The following SLC49A3 variants were observed in gnomAD, a reference collection of about 807,000 sequenced individuals.
The protein encoded by SLC49A3 is solute carrier family 49 member 3.
A neutral mutation model predicts 43.8 loss-of-function variants in SLC49A3; 50 were observed. That is an observed-to-expected ratio of 1.14 (90% CI 0.91 to 1.45). SLC49A3 has a LOEUF of 1.45. SLC49A3 is among the 40% of genes most tolerant of loss of function. The probability of loss-of-function intolerance (pLI) is 0.00; values close to 1 mark genes in which losing one functional copy is unlikely to be tolerated. For synonymous variants in SLC49A3, 413 were observed against 352.0 expected (o/e 1.17, Z -1.94); for missense variants, 906 against 774.1 (o/e 1.17, Z -2.02).
At chr4:680,316 C>T (rs1184237442), downstream of SLC49A3, among the ~76,000 whole-genome samples, 1 of 152,174 alleles carries the variant, frequency 6.6e-6, no homozygotes, top group East Asian at 1.9e-4. Flanking sequence ...CACTACACCC[C>T]AGGGCAGGAG....
At chr4:681,187 C>T (rs913272032), downstream of SLC49A3, 3 of 1,575,064 alleles carry the variant, frequency 1.9e-6, no homozygotes, top group South Asian at 3.5e-5. Context: ...GAGGGCGGGG[C>T]TCCCGGGGTC....
chr4:690,704 G>C (rs1159072124), upstream of SLC49A3, among the ~76,000 whole-genome samples: 1 of 152,098 alleles, frequency 6.6e-6, no homozygotes, highest in Non-Finnish European at 1.5e-5. Context: ...TTGTCGAGGG[G>C]TGTCACCATG....
chr4:685,197 G>A lies in SLC49A3; in HGVS notation c.586-341C>T. 2.5e-6 allele frequency: 1 copy of A among 407,944 alleles called. No individual in the cohort carries two copies. Among genetic ancestry groups the A allele is most frequent in the African/African-American group, 2.1e-5 (1 of 48,702 alleles). The allele number at this position is 407,944 out of a possible 1,614,324, so 25.3% of individuals were successfully genotyped here. On this transcript the variant is annotated intron_variant, in intron 4 of 9. Coordinates refer to ENST00000322224, the MANE Select transcript of SLC49A3 (RefSeq NM_032219.4). This position sits in a 1 kb window ranked among gnomAD's most constrained non-coding sequence, Gnocchi z 4.3. ...CACAGGTGGGTGCAGAGGCACACGTGCATACAGACTCACGCTCAGTACATA... is the reference window on the plus strand; with the variant it reads ...CACAGGTGGGTGCAGAGGCACACGTACATACAGACTCACGCTCAGTACATA...
rs770820885 is a variant in SLC49A3 at position 688,969 on chromosome 4, ACCTGTCCCCGCC to A, written c.135+12_135+23del. 7 of 1,582,630 alleles carry A rather than the reference ACCTGTCCCCGCC, an allele frequency of 4.4e-6. No homozygotes were observed. The Admixed American group carries it at 6.9e-5, about 16-fold the overall frequency. ...CCGAGGGACTGAGGGTCCCGGAGCC[ACCTGTCCCCGCC>A]CCTGCCCCTACCGTGGCGTTGGAGC... is the stretch of plus-strand genomic sequence containing the variant. On this transcript the variant is annotated intron_variant, in intron 1 of 9. Coordinates refer to ENST00000322224, the MANE Select transcript of SLC49A3 (RefSeq NM_032219.4).
chr4:682,242 C>G lies in SLC49A3; in HGVS notation c.1396G>C (p.Asp466His). The part of the protein sequence containing the change: ...PSTRNAVGGA[D>H]SGPGVDRGGA... ...CCTCGGTCCACACCCGGCCCTGAGT[C>G]TGCGCCGCCCACGGCGTTACGGGTG... Residue 466 changes from aspartate (D) to histidine (H), a missense_variant, in exon 10 of 10, where the codon GAC (aspartate) becomes CAC (histidine). By Grantham distance (81) the Asp-to-His change is moderately conservative. Coordinates refer to ENST00000322224, the MANE Select transcript of SLC49A3 (RefSeq NM_032219.4). 2.9e-6 allele frequency: 4 copies of G among 1,379,054 alleles called. No homozygotes were observed. The highest frequency in any genetic ancestry group is 3.8e-6 in the Non-Finnish European group (4 of 1,055,432). The allele number at this position is 1,379,054 out of a possible 1,614,324, so 85.4% of individuals were successfully genotyped here. A position where few individuals can be genotyped will look rare whatever the true frequency, so the allele number is the denominator to read the frequency against.
downstream of SLC49A3, chr4:680,872 T>C (rs1001333124): frequency 6.2e-6 from 4 of 647,268 alleles, no homozygotes; most frequent in Non-Finnish European, 1.1e-5. Flanking sequence ...GGCGCTGGCC[T>C]GTAACCTCCT....
upstream of SLC49A3, among the ~76,000 whole-genome samples, chr4:690,017 C>T (rs1741744691): frequency 6.6e-6 from 1 of 152,220 alleles, no homozygotes; most frequent in South Asian, 2.1e-4. Context: ...CAGGGAGGCT[C>T]TCTTGACCCT....
chr4:679,107 C>T (rs780523126), downstream of SLC49A3: 81 of 1,256,440 alleles, frequency 6.4e-5, no homozygotes, highest in East Asian at 3.2e-5. Context: ...CCAGACGCCG[C>T]GGCCCCTCCT....
rs1740963941 is a variant in SLC49A3 at position 686,105 on chromosome 4, G to A, written c.492C>T (p.Asn164=). 1.2e-6 allele frequency: 2 copies of A among 1,613,096 alleles called. No individual in the cohort carries two copies. Among genetic ancestry groups the A allele is most frequent in the African/African-American group, 1.3e-5 (1 of 74,924 alleles). The part of the protein sequence containing the change: ...WFPEHQRATA[N]MLATMSNPLG... Reference sequence around the variant, plus strand: ...GGAACTCACACATGGTGGCGAGCATGTTGGCCGTGGCTCGCTGGTGCTCTG... The same window carrying A: ...GGAACTCACACATGGTGGCGAGCATATTGGCCGTGGCTCGCTGGTGCTCTG... The change falls in exon 3 of 10, where the codon AAC becomes AAT. Residue 164 remains asparagine (N), a synonymous_variant. Coordinates refer to ENST00000322224, the MANE Select transcript of SLC49A3 (RefSeq NM_032219.4).
chr4:682,001 G>A lies in SLC49A3; in HGVS notation c.1637C>T (p.Ala546Val), dbSNP rs756447805. The A allele has an allele frequency of 6.3e-6, 9 of 1,421,266 alleles. No homozygotes were observed. Among genetic ancestry groups the A allele is most frequent in the African/African-American group, 4.4e-5 (3 of 67,464 alleles). The allele number at this position is 1,421,266 out of a possible 1,614,324, so 88.0% of individuals were successfully genotyped here. A position where few individuals can be genotyped will look rare whatever the true frequency, so the allele number is the denominator to read the frequency against. The stretch of plus-strand genomic sequence containing the variant: ...GGAGGAGAAGGAGGAGTGAGACCCA[G>A]CCGGGTCAATAAACCTGGACGCTTG... Reference protein sequence around the residue: ...RVQASRFIDPAGSHSSFSSPW... With the variant: ...RVQASRFIDPVGSHSSFSSPW... Residue 546 changes from alanine to valine, a missense_variant, in exon 10 of 10, where the codon GCT becomes GTT. By Grantham distance (64) the Ala-to-Val change is moderately conservative. Transcript: ENST00000322224.
At chr4:679,295 A>G, downstream of SLC49A3, 2 of 383,608 alleles carry the variant, frequency 5.2e-6, no homozygotes, top group Non-Finnish European at 8.6e-6. Flanking sequence ...AGCAGGCTCC[A>G]GGGAGGGGCT....
At chr4:678,062 C>T (rs180764599), downstream of SLC49A3, 200 of 1,612,030 alleles carry the variant, frequency 1.2e-4, 2 homozygotes, top group Admixed American at 2.6e-3. Context: ...CTGGGGCAGG[C>T]GTGTGGGTGT....
At chr4:682,498 C>T (rs571472936) in intron 9 of SLC49A3, 122 bp from the exon 10 acceptor site, 6 of 1,076,890 alleles carry the variant, frequency 5.6e-6, no homozygotes, top group Non-Finnish European at 7.2e-6. Context: ...AGACGGAGAG[C>T]CCACTCGCAG....
At position 686,702 on chromosome 4, in the gene SLC49A3, A is replaced by G; in HGVS notation, c.136-12T>C. 1 of 1,611,034 alleles carries G rather than the reference A, an allele frequency of 6.2e-7. No individual in the cohort carries two copies. The highest frequency in any genetic ancestry group is 8.5e-7 in the Non-Finnish European group (1 of 1,179,032). ...AAGCTGAGCCACAGCTGCAGGGGTC[A>G]GGCGGGAGTCAGCGCAGGGCCACAG... is the stretch of plus-strand genomic sequence containing the variant. On this transcript the variant is annotated splice_polypyrimidine_tract_variant and intron_variant, in intron 1 of 9. Transcript: ENST00000322224.
At chr4:680,595 C>T (rs1739367578), downstream of SLC49A3, 1 of 1,611,846 alleles carries the variant, frequency 6.2e-7, no homozygotes. Flanking sequence ...GTAGTGAGTG[C>T]CCGGGCGGCC....
chr4:683,843 T>C (rs1577355118), intron 6 of SLC49A3, 82 bp from the exon 7 acceptor site: 1 of 1,465,780 alleles, frequency 6.8e-7, no homozygotes, highest in Non-Finnish European at 9.1e-7. Flanking sequence ...GGGCTCAGTG[T>C]AGGGCCGTGT....
At chr4:690,178 T>TTG (rs1202888905), upstream of SLC49A3, among the ~76,000 whole-genome samples, 1 of 152,148 alleles carries the variant, frequency 6.6e-6, no homozygotes, top group African/African-American at 2.4e-5. Context: ...TCTGCAGGGA[T>TTG]TGTGTGTGTG....
At chr4:678,765 G>T, downstream of SLC49A3, 1 of 1,609,872 alleles carries the variant, frequency 6.2e-7, no homozygotes, top group South Asian at 1.1e-5. Flanking sequence ...AGTTCAAGGA[G>T]GTGAGACTTT....
Position 683,201 on chromosome 4 carries a change from G to A in SLC49A3, c.1151+9C>T, listed in dbSNP as rs1349428634. 6.2e-7 allele frequency: 1 copy of A among 1,612,732 alleles called. No homozygotes were observed. The highest frequency in any genetic ancestry group is 8.5e-7 in the Non-Finnish European group (1 of 1,179,886). On this transcript the variant is annotated intron_variant, in intron 8 of 9. Coordinates refer to ENST00000322224, the MANE Select transcript of SLC49A3 (RefSeq NM_032219.4). ...TCTGGGGTTGCAGCAGGGGCAGATG[G>A]ACACTCACCCCAGCACAAAGATCAT...
Sources: allele counts gnomAD v4.1 joint callset (sites outside exome capture counted in the v4.1 genomes callset), GRCh38; gene constraint gnomAD v4.1.1; non-coding constraint Gnocchi (gnomAD v3.1); transcripts MANE v1.5; gene names NCBI Gene and HGNC (gene_info 2026-07-23, HGNC 2026-07-21).